The following COP1 variants were observed in gnomAD, a reference collection of about 807,000 sequenced individuals.
COP1 encodes COP1 E3 ubiquitin ligase.
Under a neutral mutation model 101.3 loss-of-function variants are expected in COP1, and 24 were observed. The ratio of observed to expected loss-of-function variants is 0.24; its 90% CI spans 0.17 to 0.33. COP1 has a LOEUF of 0.33. Among genes scored for constraint, COP1 ranks in the 10% least tolerant of loss-of-function variants. The pLI, the probability that COP1 is intolerant of heterozygous loss-of-function variation, is 1.00. For missense variants in COP1, 663 were observed against 906.2 expected, an observed-to-expected ratio of 0.73 and a Z score of 3.45; for synonymous variants, 347 against 341.9, an observed-to-expected ratio of 1.01 and a Z score of -0.17.
chr1:175,953,791 A>C (rs946924336), intron 18 of COP1, among the ~76,000 whole-genome samples: 4 of 151,908 alleles, frequency 2.6e-5, no homozygotes, highest in Non-Finnish European at 5.9e-5. Context: ...TCCTATATAC[A>C]TATATATCTA....
chr1:176,049,129 G>T (rs1237641758), intron 11 of COP1, among the ~76,000 whole-genome samples: 1 of 144,864 alleles, frequency 6.9e-6, no homozygotes. Flanking sequence ...CCGAGATTGC[G>T]CCATTGCAGT....
At chr1:176,191,462 T>A (rs1391485475) in intron 1 of COP1, among the ~76,000 whole-genome samples, 1 of 152,002 alleles carries the variant, frequency 6.6e-6, no homozygotes, top group Non-Finnish European at 1.5e-5. Context: ...TTTCAAAACT[T>A]GAAATTTCTC....
intron 18 of COP1, among the ~76,000 whole-genome samples, chr1:175,977,811 T>C (rs1571351277): frequency 6.6e-6 from 1 of 152,162 alleles, no homozygotes; most frequent in African/African-American, 2.4e-5. Flanking sequence ...ATTAAATCCA[T>C]TTTATTCAAT....
intron 4 of COP1, among the ~76,000 whole-genome samples, chr1:176,163,340 G>T (rs1694624403): frequency 6.6e-6 from 1 of 152,124 alleles, no homozygotes; most frequent in Non-Finnish European, 1.5e-5. Flanking sequence ...TCCATAATTT[G>T]GGACTAAGCC....
chr1:176,139,814 G>A (rs1037645643), intron 6 of COP1, among the ~76,000 whole-genome samples: 5 of 152,136 alleles, frequency 3.3e-5, no homozygotes, highest in African/African-American at 7.2e-5. Flanking sequence ...GGTGGGGGAA[G>A]GAAGAAAGGG....
intron 11 of COP1, among the ~76,000 whole-genome samples, chr1:176,076,662 A>C (rs988187127): frequency 4.6e-5 from 7 of 152,290 alleles, no homozygotes; most frequent in Middle Eastern, 3.4e-3. Context: ...GTCCATACAA[A>C]AGATAAATAA....
At chr1:176,009,685 A>G (rs1312768816) in intron 15 of COP1, among the ~76,000 whole-genome samples, 1 of 152,172 alleles carries the variant, frequency 6.6e-6, no homozygotes, top group African/African-American at 2.4e-5. Flanking sequence ...AGTTAATCCG[A>G]TTATTGTTAT....
chr1:176,167,314 C>G (rs1230447012), intron 3 of COP1, among the ~76,000 whole-genome samples: 1 of 152,162 alleles, frequency 6.6e-6, no homozygotes, highest in East Asian at 1.9e-4. Context: ...CAGCTAGCAT[C>G]TTATTTATAC....
intron 15 of COP1, among the ~76,000 whole-genome samples, chr1:176,022,484 G>A (rs983897459): frequency 1.3e-5 from 2 of 151,948 alleles, no homozygotes; most frequent in Admixed American, 6.6e-5. Flanking sequence ...ATTCTGTATC[G>A]CTCTCAGTGG....
rs538012654 is a variant in COP1 at position 175,993,356 on chromosome 1, C to T, written c.1730-3877G>A. On this transcript the variant is annotated intron_variant, in intron 15 of 19. Transcript: ENST00000367669. ...GAGTGCCTCTCCTCCTCCAAAGGAA[C>T]GCAGCTCCTCACCAGCAACGGAACA... Among the ~76,000 whole-genome samples, 413 of 152,304 alleles carry T rather than the reference C, an allele frequency of 2.7e-3. 5 individuals carry two copies. The highest frequency in any genetic ancestry group is 9.3e-3 in the African/African-American group (387 of 41,574).
chr1:175,988,440 T>A (rs1188548112), intron 16 of COP1, 28 bp from the exon 17 acceptor site: 3 of 1,547,504 alleles, frequency 1.9e-6, no homozygotes, highest in Non-Finnish European at 1.8e-6. Context: ...GAGTAAGAAC[T>A]TACTTAAAAT....
At chr1:176,046,046 C>A (rs1671468730) in intron 12 of COP1, 135 bp downstream of exon 12, 2 of 617,512 alleles carry the variant, frequency 3.2e-6, no homozygotes, top group Admixed American at 3.4e-5. Flanking sequence ...ATAATATATA[C>A]TCTGTATACA....
chr1:176,047,469 T>C (rs1671715659), intron 11 of COP1, among the ~76,000 whole-genome samples: 1 of 152,166 alleles, frequency 6.6e-6, no homozygotes, highest in African/African-American at 2.4e-5. Flanking sequence ...CTGGTGCTAA[T>C]AATTACTATG....
At chr1:176,087,514 T>C (rs899412740) in intron 9 of COP1, among the ~76,000 whole-genome samples, 1 of 152,342 alleles carries the variant, frequency 6.6e-6, no homozygotes, top group East Asian at 1.9e-4. Flanking sequence ...GTGATCATCA[T>C]CATTGGCCAT....
At chr1:176,041,238 G>A (rs901792873) in intron 14 of COP1, among the ~76,000 whole-genome samples, 1 of 152,088 alleles carries the variant, frequency 6.6e-6, no homozygotes, top group African/African-American at 2.4e-5. Context: ...ATTTCTAAAT[G>A]TCTCCATGTG....
At chr1:176,127,568 TGTG>T (rs879271451) in intron 8 of COP1, among the ~76,000 whole-genome samples, 1,977 of 119,350 alleles carry the variant, frequency 0.017, 35 homozygotes, top group Non-Finnish European at 0.019. Flanking sequence ...CTACTGTGTG[TGTG>T]TGTGTGTGTG....
chr1:176,160,811 A>G (rs977902658), intron 5 of COP1, among the ~76,000 whole-genome samples: 2 of 152,192 alleles, frequency 1.3e-5, no homozygotes, highest in Non-Finnish European at 2.9e-5. Flanking sequence ...AGGAACACCC[A>G]CATACATCTT....
chr1:176,084,850 CT>C (rs56020581), intron 10 of COP1, among the ~76,000 whole-genome samples: 10,662 of 149,754 alleles, frequency 0.071, 467 homozygotes, highest in Admixed American at 0.088. Context: ...AAATACCAGA[CT>C]TTTTTTTTTC....
At chr1:175,998,807 G>T (rs1342102404) in intron 15 of COP1, among the ~76,000 whole-genome samples, 1 of 152,056 alleles carries the variant, frequency 6.6e-6, no homozygotes, top group African/African-American at 2.4e-5. Context: ...TCCTAGGTAG[G>T]ATAAGGTAAA....
Sources: gnomAD v4.1 joint callset for allele counts (sites outside exome capture counted in the v4.1 genomes callset) on GRCh38, gnomAD v4.1.1 for gene constraint, MANE v1.5 for transcripts, NCBI Gene and HGNC (gene_info 2026-07-23, HGNC 2026-07-21) for gene names.